Variants in FBXO10 observed in about 807,000 individuals in gnomAD.
The protein encoded by FBXO10 is F-box only protein 10.
A neutral mutation model predicts 80.7 loss-of-function variants in FBXO10; 39 were observed. That is an observed-to-expected ratio of 0.48 (90% CI 0.37 to 0.63). The LOEUF (loss-of-function observed/expected upper bound fraction) is 0.63, where lower values mean the gene tolerates loss of function less well. Among genes scored for constraint, FBXO10 ranks in the 30% least tolerant of loss-of-function variants. The probability of loss-of-function intolerance (pLI) is 0.00; values close to 1 mark genes in which losing one functional copy is unlikely to be tolerated. For synonymous variants in FBXO10, 449 were observed against 489.6 expected (o/e 0.92, Z 1.09); for missense variants, 1,025 against 1,269.0 (o/e 0.81, Z 2.92).
At chr9:37,564,460 G>A (rs926060045) in intron 1 of FBXO10, among the ~76,000 whole-genome samples, 1 of 152,172 alleles carries the variant, frequency 6.6e-6, no homozygotes, top group African/African-American at 2.4e-5. Flanking sequence ...CTGAGAGCTT[G>A]CATCATGTGC....
At chr9:37,566,105 G>C (rs913979675) in intron 1 of FBXO10, among the ~76,000 whole-genome samples, 1 of 152,164 alleles carries the variant, frequency 6.6e-6, no homozygotes, top group African/African-American at 2.4e-5. Context: ...CCCTATGCGT[G>C]CTGAAATGAC....
At chr9:37,514,286 C>A (rs1164057618) in intron 10 of FBXO10, among the ~76,000 whole-genome samples, 1 of 152,060 alleles carries the variant, frequency 6.6e-6, no homozygotes, top group Non-Finnish European at 1.5e-5. Context: ...CTGGAAAAGA[C>A]AATTAGGACC....
At chr9:37,536,607 T>A (rs1411739580) in intron 3 of FBXO10, among the ~76,000 whole-genome samples, 1 of 152,170 alleles carries the variant, frequency 6.6e-6, no homozygotes, top group Non-Finnish European at 1.5e-5. Context: ...ACACCCAGGC[T>A]CTGGCGTAGG....
At chr9:37,527,668 G>T (rs191331340) in intron 5 of FBXO10, among the ~76,000 whole-genome samples, 30 of 152,290 alleles carry the variant, frequency 2.0e-4, no homozygotes, top group Admixed American at 7.9e-4. Context: ...CTGTGTGAGT[G>T]TGTGTCCATC....
chr9:37,511,700 G>T lies in FBXO10; in HGVS notation c.*847C>A. 1 of 152,978 alleles carries T rather than the reference G, an allele frequency of 6.5e-6. No individual in the cohort carries two copies. 9.5% of individuals were successfully genotyped at this position (152,978 alleles called of 1,614,324 possible). On this transcript the variant is annotated 3_prime_UTR_variant, in exon 11 of 11. Transcript: ENST00000432825. ...CCAAGGCACAGAGTGGGGAGGCTTG[G>T]GAGGGTCAGTAAAGACCAGCGCTCA...
intron 1 of FBXO10, among the ~76,000 whole-genome samples, chr9:37,544,436 A>G (rs1448303991): frequency 6.6e-6 from 1 of 152,122 alleles, no homozygotes; most frequent in Non-Finnish European, 1.5e-5. Flanking sequence ...CTATCTCATA[A>G]ATAAATAAAG....
At chr9:37,533,185 G>C (rs1160695251) in intron 3 of FBXO10, among the ~76,000 whole-genome samples, 3 of 152,132 alleles carry the variant, frequency 2.0e-5, no homozygotes, top group Non-Finnish European at 4.4e-5. Context: ...CATGTCTGTG[G>C]GTTCTGCATC....
At chr9:37,545,266 T>G (rs1822029262) in intron 1 of FBXO10, among the ~76,000 whole-genome samples, 1 of 135,118 alleles carries the variant, frequency 7.4e-6, no homozygotes, top group Non-Finnish European at 1.5e-5. Flanking sequence ...AACCTCTGCC[T>G]CTCAGGTTCA....
rs185628763 is a variant in FBXO10, at chr9:37,530,664, G to A, written c.1569+1245C>T. Among the ~76,000 whole-genome samples, 72 of 152,298 alleles carry A rather than the reference G, an allele frequency of 4.7e-4. 1 individual carries two copies. The East Asian group carries it at 0.013, about 26-fold the overall frequency. ...AGGGTCTCGCTCTGTTGCCCAGGCT[G>A]GAGTGCAGTGGCACAATCATGGCTC... On this transcript the variant is annotated intron_variant, in intron 4 of 10. Coordinates refer to ENST00000432825, the MANE Select transcript of FBXO10 (RefSeq NM_012166.3).
chr9:37,526,081 A>G (rs915976299), intron 5 of FBXO10, among the ~76,000 whole-genome samples: 3 of 151,828 alleles, frequency 2.0e-5, no homozygotes, highest in African/African-American at 7.3e-5. Context: ...AAGTGTGTGT[A>G]TGTGTGTACA....
intron 1 of FBXO10, among the ~76,000 whole-genome samples, chr9:37,542,423 CT>C (rs1279929057): frequency 6.6e-6 from 1 of 151,882 alleles, no homozygotes; most frequent in African/African-American, 2.4e-5. Flanking sequence ...TGGAGAAACC[CT>C]GTCTCTATGA....
At position 37,537,156 on chromosome 9, in the gene FBXO10, A is replaced by G; in HGVS notation, c.1373T>C (p.Ile458Thr). The G allele has an allele frequency of 1.9e-6, 3 of 1,613,896 alleles. No homozygotes were observed. Among genetic ancestry groups the G allele is most frequent in the Non-Finnish European group, 2.5e-6 (3 of 1,179,882 alleles). ...SHGRAKMEGN[I>T]FRNLTYAVRC... ...CACTGCGTAAGTCAGGTTCCGGAAG[A>G]TGTTTCCTTCCATCTTGGCTCTGCC... Residue 458 changes from isoleucine (I) to threonine (T), a missense_variant, in exon 3 of 11, where the codon ATC becomes ACC. Ile to Thr is a moderately conservative substitution (Grantham distance 89). Transcript: ENST00000432825.
In FBXO10 at chr9:37,518,268, T is replaced by C. The variant is rs906239656; in HGVS notation, c.2371A>G (p.Lys791Glu). Residue 791 changes from lysine to glutamate, a missense_variant, in exon 9 of 11, where the codon AAA becomes GAA. By Grantham distance (56) the Lys-to-Glu change is moderately conservative (BLOSUM62 1). Around this residue, in one of 3 missense-constraint regions of FBXO10, gnomAD observed 478 missense variants for 667.8 expected, o/e 0.72. Transcript: ENST00000432825. ...ATACCATTGCCCCGGAGCTCCACTT[T>C]GCACTGGGCCTCAACCTTGACCCCA... is the stretch of plus-strand genomic sequence containing the variant. ...QSGVKVEAQC[K>E]VELRGNGIYD... 2 of 1,613,968 alleles carry C rather than the reference T, an allele frequency of 1.2e-6. No individual in the cohort carries two copies. The highest frequency in any genetic ancestry group is 1.7e-6 in the Non-Finnish European group (2 of 1,179,914).
At chr9:37,575,100 T>A (rs1249288204) in intron 1 of FBXO10, among the ~76,000 whole-genome samples, 1 of 151,904 alleles carries the variant, frequency 6.6e-6, no homozygotes, top group African/African-American at 2.4e-5. Flanking sequence ...TTCCCAGGCA[T>A]CCTCCAGCTC....
chr9:37,512,733 A>C lies in FBXO10; in HGVS notation c.2697-12T>G. 1 of 1,610,850 alleles carries C rather than the reference A, an allele frequency of 6.2e-7. No individual in the cohort carries two copies. The highest frequency in any genetic ancestry group is 8.5e-7 in the Non-Finnish European group (1 of 1,177,876). ...GCCACGTATCAGACCTGGAGGTGCA[A>C]AACGAAAGTCAGTGAACTTCTGAGG... is the stretch of plus-strand genomic sequence containing the variant. On this transcript the variant is annotated splice_polypyrimidine_tract_variant and intron_variant, in intron 10 of 10. Coordinates refer to ENST00000432825, the MANE Select transcript of FBXO10 (RefSeq NM_012166.3).
intron 1 of FBXO10, among the ~76,000 whole-genome samples, chr9:37,565,284 G>A (rs573769413): frequency 2.5e-4 from 38 of 152,238 alleles, no homozygotes; most frequent in African/African-American, 6.7e-4. Context: ...TCATGGCAGC[G>A]TGAGCACAGA....
chr9:37,554,455 A>C (rs1361353083), intron 1 of FBXO10, among the ~76,000 whole-genome samples: 4 of 152,204 alleles, frequency 2.6e-5, no homozygotes, highest in Admixed American at 6.5e-5. Context: ...TACCATATCC[A>C]GTAGTGTGTA....
intron 7 of FBXO10, 34 bp from the exon 8 acceptor site, chr9:37,521,872 G>C: frequency 6.5e-7 from 1 of 1,528,038 alleles, no homozygotes; most frequent in African/African-American, 1.4e-5. Flanking sequence ...CACCGACACT[G>C]AACTCAGGTG....
At chr9:37,543,261 G>C (rs1170843287) in intron 1 of FBXO10, among the ~76,000 whole-genome samples, 1 of 152,148 alleles carries the variant, frequency 6.6e-6, no homozygotes, top group Non-Finnish European at 1.5e-5. Context: ...TGATTATAGA[G>C]GTAAGGTTCC....
Sources: gnomAD v4.1 joint callset for allele counts (sites outside exome capture counted in the v4.1 genomes callset) on GRCh38, gnomAD v4.1.1 for gene constraint, gnomAD v4.1.1 regional missense constraint, MANE v1.5 for transcripts, NCBI Gene and HGNC (gene_info 2026-07-23, HGNC 2026-07-21) for gene names.